NRXN1: variants seen among roughly 807,000 people sequenced by gnomAD.
NRXN1 encodes neurexin 1, also known as neurexin-1.
Under a neutral mutation model 150.9 loss-of-function variants are expected in NRXN1, and 39 were observed. That is an observed-to-expected ratio of 0.26 (90% CI 0.20 to 0.34). NRXN1 has a LOEUF of 0.34. NRXN1 is among the 10% of genes least tolerant of loss of function. NRXN1 has a pLI of 1.00. For missense variants in NRXN1, 1,815 were observed against 1,949.9 expected (o/e 0.93, Z 1.30); for synonymous variants, 924 against 757.0 (o/e 1.22, Z -3.62).
intron 2 of NRXN1, among the ~76,000 whole-genome samples, chr2:50,935,615 T>C (rs1254482471): frequency 5.9e-5 from 9 of 152,042 alleles, no homozygotes; most frequent in African/African-American, 2.2e-4. Context: ...TAATTCCAGC[T>C]ACTCAGGAGG....
intron 5 of NRXN1, among the ~76,000 whole-genome samples, chr2:50,771,108 G>C (rs1306996746): frequency 6.6e-5 from 10 of 152,000 alleles, no homozygotes; most frequent in Non-Finnish European, 1.0e-4. Context: ...GAGACAGACA[G>C]GGAAATAAAA....
intron 22 of NRXN1, among the ~76,000 whole-genome samples, chr2:49,935,092 CTAATTTATGT>C (rs1461808041): frequency 6.6e-6 from 1 of 152,150 alleles, no homozygotes; most frequent in African/African-American, 2.4e-5. Flanking sequence ...CTAATAAAAG[CTAATTTATGT>C]TATCAAAGCT....
chr2:50,584,151 C>T (rs1672720450), intron 8 of NRXN1, among the ~76,000 whole-genome samples: 2 of 152,144 alleles, frequency 1.3e-5, no homozygotes, highest in African/African-American at 4.8e-5. Context: ...GAGGTTATGT[C>T]TTTGAATTAG....
At chr2:50,302,313 A>G (rs928400987) in intron 17 of NRXN1, among the ~76,000 whole-genome samples, 2 of 152,208 alleles carry the variant, frequency 1.3e-5, no homozygotes, top group Admixed American at 6.5e-5. Flanking sequence ...GATAACTTTA[A>G]TTAAAGTTTC....
intron 18 of NRXN1, among the ~76,000 whole-genome samples, chr2:50,146,890 T>C (rs1708083949): frequency 6.6e-6 from 1 of 151,764 alleles, no homozygotes. Flanking sequence ...TTTCAATTTA[T>C]TCCTCTTAAG....
At chr2:50,496,416 T>G (rs1473803533) in intron 14 of NRXN1, among the ~76,000 whole-genome samples, 1 of 152,218 alleles carries the variant, frequency 6.6e-6, no homozygotes, top group Non-Finnish European at 1.5e-5. Flanking sequence ...CATCCTTTTC[T>G]AACACTTAAA....
chr2:50,073,800 T>A (rs1043924690), intron 19 of NRXN1, among the ~76,000 whole-genome samples: 3 of 152,164 alleles, frequency 2.0e-5, no homozygotes, highest in Admixed American at 6.5e-5. Context: ...AGCATTCTGA[T>A]TAGAAACAGA....
At chr2:50,372,701 A>G (rs2080116721) in intron 17 of NRXN1, among the ~76,000 whole-genome samples, 1 of 152,142 alleles carries the variant, frequency 6.6e-6, no homozygotes, top group Non-Finnish European at 1.5e-5. Context: ...TTATTTTGCA[A>G]TACTCACTCA....
At chr2:50,842,230 T>C (rs1278753181) in intron 5 of NRXN1, among the ~76,000 whole-genome samples, 1 of 152,160 alleles carries the variant, frequency 6.6e-6, no homozygotes, top group Non-Finnish European at 1.5e-5. Context: ...TTCAAATGGC[T>C]TTTCTATTAC....
chr2:50,544,600 G>A (rs6716892), intron 9 of NRXN1, among the ~76,000 whole-genome samples: 43,875 of 151,912 alleles, frequency 0.29, 6,757 homozygotes, highest in East Asian at 0.51. Flanking sequence ...GTTTAATAAT[G>A]TCTGGTATTG....
intron 2 of NRXN1, among the ~76,000 whole-genome samples, chr2:50,998,597 T>A (rs1699626796): frequency 6.6e-6 from 1 of 152,100 alleles, no homozygotes; most frequent in African/African-American, 2.4e-5. Context: ...TATGATTTCA[T>A]GAAGGTATGC....
chr2:50,001,614 A>C (rs1387451337), intron 21 of NRXN1, among the ~76,000 whole-genome samples: 1 of 152,144 alleles, frequency 6.6e-6, no homozygotes. Context: ...CAGTTTTCTC[A>C]TATGTAAAAT....
intron 17 of NRXN1, among the ~76,000 whole-genome samples, chr2:50,327,807 G>A (rs1386768667): frequency 1.3e-5 from 2 of 151,856 alleles, no homozygotes; most frequent in East Asian, 1.9e-4. Context: ...GAGCCACCTT[G>A]CCTGGCTAAT....
At chr2:50,876,416 GTAAT>G (rs1678600019) in intron 5 of NRXN1, among the ~76,000 whole-genome samples, 1 of 151,786 alleles carries the variant, frequency 6.6e-6, no homozygotes, top group Admixed American at 6.6e-5. Context: ...CAACTAAAAT[GTAAT>G]TAAGTCCAAC....
At chr2:50,734,130 G>T (rs1306317227) in intron 5 of NRXN1, among the ~76,000 whole-genome samples, 2 of 152,106 alleles carry the variant, frequency 1.3e-5, no homozygotes, top group African/African-American at 2.4e-5. Flanking sequence ...TAGACGCCAA[G>T]GATACTACTA....
chr2:50,943,662 C>T (rs1033935728), intron 2 of NRXN1, among the ~76,000 whole-genome samples: 2 of 152,008 alleles, frequency 1.3e-5, no homozygotes, highest in Non-Finnish European at 2.9e-5. Context: ...AAGCAATCAT[C>T]CCAATAAGAA....
chr2:50,193,778 T>A (rs1010027683), intron 18 of NRXN1, among the ~76,000 whole-genome samples: 7 of 152,154 alleles, frequency 4.6e-5, no homozygotes. Context: ...TTTTAATATT[T>A]TATATCCATT....
At chr2:50,907,118 C>A (rs983758205) in intron 5 of NRXN1, among the ~76,000 whole-genome samples, 2 of 151,670 alleles carry the variant, frequency 1.3e-5, no homozygotes, top group Non-Finnish European at 2.9e-5. Flanking sequence ...CCCTTGAAGA[C>A]TCTCATTGCC....
intron 5 of NRXN1, among the ~76,000 whole-genome samples, chr2:50,720,952 T>C (rs546270148): frequency 1.3e-5 from 2 of 152,292 alleles, no homozygotes; most frequent in South Asian, 4.1e-4. Context: ...GACAATTCAA[T>C]TCCAGTCTGC....
Sources: allele counts gnomAD v4.1 joint callset (sites outside exome capture counted in the v4.1 genomes callset), GRCh38; gene constraint gnomAD v4.1.1; transcripts MANE v1.5; gene names NCBI Gene and HGNC (gene_info 2026-07-23, HGNC 2026-07-21).